Variants in CAPN12 observed in about 807,000 individuals in gnomAD.
The protein encoded by CAPN12 is calpain 12, also known as calpain-12.
In CAPN12, 107 loss-of-function variants were observed where a neutral mutation model predicts 95.0. The observed-to-expected ratio is 1.13, with a 90% CI of 0.96 to 1.32. CAPN12 has a LOEUF of 1.32. Among genes scored for constraint, CAPN12 ranks in the 40% most tolerant of loss-of-function variants. The pLI is 0.00. For missense variants in CAPN12, 1,136 were observed against 997.8 expected, an observed-to-expected ratio of 1.14 and a Z score of -1.87; for synonymous variants, 505 against 415.5, an observed-to-expected ratio of 1.22 and a Z score of -2.62.
rs1293683165 is a variant in CAPN12 at position 38,738,619 on chromosome 19, C to T, written c.759G>A (p.Glu253=). Residue 253 remains glutamate, a synonymous_variant, in exon 6 of 21, where the codon GAG becomes GAA. Transcript: ENST00000328867. ...LSDRGEYRTE[E]GLVKGHAYSI... is the part of the protein sequence containing the mutation. ...AATACGCGTGTCCCTTTACCAGGCC[C>T]TCTTCTGTGCGGTACTCACCCCGAT... 4 of 1,613,932 alleles carry T rather than the reference C, an allele frequency of 2.5e-6. No homozygotes were observed. The African/African-American group carries it at 5.3e-5, about 22-fold the overall frequency.
intron 18 of CAPN12, 132 bp downstream of exon 18, chr19:38,733,571 G>T: frequency 1.3e-6 from 1 of 776,258 alleles, no homozygotes; most frequent in Non-Finnish European, 2.1e-6. Flanking sequence ...CCAGGGACTG[G>T]CAACAAGCTA....
Position 38,736,263 on chromosome 19 carries a change from C to G in CAPN12, c.1430G>C (p.Arg477Pro). 1.4e-6 allele frequency: 2 copies of G among 1,460,980 alleles called. No homozygotes were observed. Among genetic ancestry groups the G allele is most frequent in the South Asian group, 2.8e-5 (2 of 71,160 alleles). 90.5% of individuals were successfully genotyped at this position (1,460,980 alleles called of 1,614,324 possible). Residue 477 changes from arginine (R) to proline (P), a missense_variant, in exon 12 of 21, where the codon CGC becomes CCC. Arg to Pro is a moderately radical substitution (Grantham distance 103). Transcript: ENST00000328867. Reference sequence around the variant, plus strand: ...GGCGCTGAGGGGCGAGCGGTCGGCGCGCAGCAGCCGGGGCAGGAGCGCATG... The same window carrying G: ...GGCGCTGAGGGGCGAGCGGTCGGCGGGCAGCAGCCGGGGCAGGAGCGCATG... ...RSHALLPRLL[R>P]ADRSPLSARR... is the part of the protein sequence containing the mutation.
At chr19:38,741,933 C>T (rs375639799) in intron 3 of CAPN12, 23 bp from the exon 4 acceptor site, 4 of 1,611,058 alleles carry the variant, frequency 2.5e-6, no homozygotes, top group Non-Finnish European at 3.4e-6. Context: ...GATGCAGGGC[C>T]GGACTCGGCT....
Position 38,730,823 on chromosome 19 carries a change from T to C in CAPN12, c.*29A>G. 1 of 1,550,552 alleles carries C rather than the reference T, an allele frequency of 6.4e-7. No homozygotes were observed. The highest frequency in any genetic ancestry group is 8.7e-7 in the Non-Finnish European group (1 of 1,147,036). Reference sequence around the variant, plus strand: ...GTGGTCTTGCTCAGCAACCCTGCCCTGAGCAGCAGGTGCGCCCATCCGGAG... The same window carrying C: ...GTGGTCTTGCTCAGCAACCCTGCCCCGAGCAGCAGGTGCGCCCATCCGGAG... On this transcript the variant is annotated 3_prime_UTR_variant, in exon 21 of 21. Coordinates refer to ENST00000328867, the MANE Select transcript of CAPN12 (RefSeq NM_144691.4).
chr19:38,731,174 C>CCGGTAG lies in CAPN12; in HGVS notation c.2001_2006dup (p.Tyr668_Arg669dup). On this transcript the variant is annotated inframe_insertion, in exon 19 of 21. Transcript: ENST00000328867. The stretch of plus-strand genomic sequence containing the variant: ...CGAAGTCCACACGCAGACGGCTATC[C>CCGGTAG]CGGTAGCGGCTGGTGAGGGTCTGGG... The CCGGTAG allele has an allele frequency of 6.2e-7, 1 of 1,613,176 alleles. No homozygotes were observed.
chr19:38,739,121 A>ATTCCGTC (rs1970396450), intron 5 of CAPN12: 1 of 174,664 alleles, frequency 5.7e-6, no homozygotes, highest in Non-Finnish European at 1.2e-5. Flanking sequence ...ACAGAGTGAG[A>ATTCCGTC]TGAGACCCTG....
chr19:38,734,037 C>T, intron 17 of CAPN12, 105 bp downstream of exon 17: 3 of 1,275,350 alleles, frequency 2.4e-6, no homozygotes, highest in African/African-American at 1.5e-5. Flanking sequence ...CAGCCTAGTC[C>T]AGTACCCCCT....
chr19:38,732,867 A>G (rs1424731984), intron 18 of CAPN12, among the ~76,000 whole-genome samples: 1 of 152,164 alleles, frequency 6.6e-6, no homozygotes, highest in East Asian at 1.9e-4. Context: ...TGAGGGTCAC[A>G]GTGCTGTACT....
chr19:38,730,675 TTC>T lies in CAPN12; in HGVS notation c.*175_*176del. 1.4e-6 allele frequency: 1 copy of T among 699,090 alleles called. No individual in the cohort carries two copies. Among genetic ancestry groups the T allele is most frequent in the Non-Finnish European group, 2.4e-6 (1 of 412,404 alleles). 43.3% of individuals were successfully genotyped at this position (699,090 alleles called of 1,614,324 possible). A position where few individuals can be genotyped will look rare whatever the true frequency, so the allele number is the denominator to read the frequency against. ...CGAGAAGGGCTGTCGCTGTTCTTGT[TTC>T]TGAGTGAGGAGTACGCAGGCCAGAG... is the stretch of plus-strand genomic sequence containing the variant. On this transcript the variant is annotated 3_prime_UTR_variant, in exon 21 of 21. Transcript: ENST00000328867.
At chr19:38,733,825 G>A (rs772740857) in intron 17 of CAPN12, 44 bp from the exon 18 acceptor site, 33 of 1,532,278 alleles carry the variant, frequency 2.2e-5, no homozygotes, top group Non-Finnish European at 2.9e-5. Context: ...ATGCCCTGAA[G>A]AGGGCTGCCA....
chr19:38,740,830 CG>C (rs1020301703), intron 4 of CAPN12, among the ~76,000 whole-genome samples: 1 of 150,730 alleles, frequency 6.6e-6, no homozygotes, highest in Non-Finnish European at 1.5e-5. Context: ...AGACTCTTGA[CG>C]GGGGGAACTG....
At chr19:38,735,058 G>A (rs1223725361) in intron 14 of CAPN12, 188 bp from the exon 15 acceptor site, 1 of 625,356 alleles carries the variant, frequency 1.6e-6, no homozygotes, top group Non-Finnish European at 2.8e-6. Flanking sequence ...TTGCTGGTGG[G>A]GGGCCAGCAG....
chr19:38,734,871 C>CT lies in CAPN12; in HGVS notation c.1687-2dup. 2 of 1,612,660 alleles carry CT rather than the reference C, an allele frequency of 1.2e-6. No homozygotes were observed. Among genetic ancestry groups the CT allele is most frequent in the Non-Finnish European group, 1.7e-6 (2 of 1,179,820 alleles). ...GCTGAGAGGCATTGAGTTCTTCCTC[C>CT]TAGTCCAGGAAAGAGGGCTTGTGAG... is the stretch of plus-strand genomic sequence containing the variant. On this transcript the variant is annotated splice_acceptor_variant, in intron 14 of 20. Transcript: ENST00000328867. LOFTEE classifies it high-confidence loss of function.
chr19:38,744,309 G>T lies in CAPN12; in HGVS notation c.-144C>A, dbSNP rs1198300167. ...TTAATATTAATTGATGGTTTGGGGT[G>T]CTGGGGAGCAGGGACGCCTCTTCAG... On this transcript the variant is annotated 5_prime_UTR_variant, in exon 1 of 21. Transcript: ENST00000328867. 4 of 803,676 alleles carry T rather than the reference G, an allele frequency of 5.0e-6. No individual in the cohort carries two copies. The highest frequency in any genetic ancestry group is 3.4e-5 in the African/African-American group (2 of 58,392). 49.8% of individuals were successfully genotyped at this position (803,676 alleles called of 1,614,324 possible). A position where few individuals can be genotyped will look rare whatever the true frequency, so the allele number is the denominator to read the frequency against.
intron 13 of CAPN12, 24 bp from the exon 14 acceptor site, chr19:38,735,453 G>A (rs1182680688): frequency 4.3e-6 from 7 of 1,610,778 alleles, no homozygotes; most frequent in Admixed American, 1.7e-5. Flanking sequence ...GAAGTTTAGC[G>A]CTGGCCAAGA....
In CAPN12 at chr19:38,734,183, G is replaced by A. The variant is rs1969842298; in HGVS notation, c.1837C>T (p.His613Tyr). 5.0e-6 allele frequency: 8 copies of A among 1,612,884 alleles called. No homozygotes were observed. Among genetic ancestry groups the A allele is most frequent in the Non-Finnish European group, 6.8e-6 (8 of 1,179,904 alleles). Residue 613 changes from histidine to tyrosine, a missense_variant, in exon 17 of 21, where the codon CAC becomes TAC. Physicochemically the swap from His to Tyr is moderately conservative, Grantham distance 83 (BLOSUM62 2). Transcript: ENST00000328867. ...CFGHGQSLAL[H>Y]HFQQLWGYLL... ...TAGCCCCAGAGCTGCTGGAAGTGGT[G>A]TAAGGCCAGGCTTTGCCCATGCTGT...
intron 15 of CAPN12, 140 bp downstream of exon 15, chr19:38,734,673 G>A (rs1161063834): frequency 1.3e-6 from 1 of 752,930 alleles, no homozygotes; most frequent in South Asian, 1.9e-5. Context: ...CCTGCAGGGA[G>A]ATGCTGCCAG....
chr19:38,743,790 T>A, intron 1 of CAPN12, 139 bp downstream of exon 1: 2 of 572,924 alleles, frequency 3.5e-6, no homozygotes, highest in Non-Finnish European at 2.7e-6. Flanking sequence ...CCCTCAGACC[T>A]AAGAGTCCAG....
At position 38,730,430 on chromosome 19, in the gene CAPN12, CTTTT is replaced by C. The variant is rs1202093647; in HGVS notation, c.*418_*421del. The C allele has an allele frequency of 2.3e-5, 4 of 175,920 alleles. No individual in the cohort carries two copies. The highest frequency in any genetic ancestry group is 4.8e-5 in the Non-Finnish European group (4 of 83,082). 10.9% of individuals were successfully genotyped at this position (175,920 alleles called of 1,614,324 possible). On this transcript the variant is annotated 3_prime_UTR_variant, in exon 21 of 21. Transcript: ENST00000328867. Reference sequence around the variant, plus strand: ...TGGTTGATGGTTTTGCTCCCCCTACCTTTTTTTTTTGAGTTTATTCTGATTGATT... The same window carrying C: ...TGGTTGATGGTTTTGCTCCCCCTACCTTTTTTGAGTTTATTCTGATTGATT...
Sources: allele counts gnomAD v4.1 joint callset (sites outside exome capture counted in the v4.1 genomes callset), GRCh38; gene constraint gnomAD v4.1.1; transcripts MANE v1.5; gene names NCBI Gene and HGNC (gene_info 2026-07-23, HGNC 2026-07-21).